The following RYR3 variants were observed in gnomAD, a reference collection of about 807,000 sequenced individuals.
RYR3 encodes brain ryanodine receptor-calcium release channel.
A neutral mutation model predicts 584.3 loss-of-function variants in RYR3; 207 were observed. The observed-to-expected ratio is 0.35, with a 90% CI of 0.32 to 0.40. The LOEUF (loss-of-function observed/expected upper bound fraction) is 0.40, where lower values mean the gene tolerates loss of function less well. Among genes scored for constraint, RYR3 ranks in the 10% least tolerant of loss-of-function variants. The probability of loss-of-function intolerance (pLI) is 1.00; values close to 1 mark genes in which losing one functional copy is unlikely to be tolerated. For missense variants in RYR3, 5,616 were observed against 6,089.2 expected, an observed-to-expected ratio of 0.92 and a Z score of 2.59; for synonymous variants, 2,416 against 2,248.5, an observed-to-expected ratio of 1.07 and a Z score of -2.11.
At chr15:33,699,654 A>AGGCCTC in intron 40 of RYR3, 50 bp from the exon 41 acceptor site, 1 of 1,570,654 alleles carries the variant, frequency 6.4e-7, no homozygotes, top group Non-Finnish European at 8.7e-7. Context: ...GTTTTCAGAA[A>AGGCCTC]GGCCTCATGA....
chr15:33,382,355 G>A (rs144552269), intron 1 of RYR3, among the ~76,000 whole-genome samples: 9 of 119,370 alleles, frequency 7.5e-5, no homozygotes, highest in South Asian at 2.7e-4. Flanking sequence ...ACGGAGTCTC[G>A]CTTTGTCGCC....
chr15:33,530,241 TTCTC>T (rs1251206634), intron 3 of RYR3, among the ~76,000 whole-genome samples: 3 of 152,320 alleles, frequency 2.0e-5, no homozygotes, highest in Admixed American at 1.3e-4. Flanking sequence ...TCACATTTGT[TTCTC>T]TCTCTCACTC....
chr15:33,859,344 A>G (rs373304042), intron 99 of RYR3, among the ~76,000 whole-genome samples: 5 of 152,222 alleles, frequency 3.3e-5, no homozygotes, highest in South Asian at 2.1e-4. Context: ...GCCTAAAAAT[A>G]CCTTTTAAAA....
At chr15:33,368,842 C>T (rs1392210986) in intron 1 of RYR3, among the ~76,000 whole-genome samples, 2 of 152,080 alleles carry the variant, frequency 1.3e-5, no homozygotes, top group African/African-American at 4.8e-5. Context: ...AAACTTAGAG[C>T]GAGGTCCAGA....
rs550125030 is a variant in RYR3, at chr15:33,734,354, G to A, written c.7425-1881G>A. On this transcript the variant is annotated intron_variant, in intron 48 of 103. Transcript: ENST00000634891. ...AGGTACCTAGGTTTTGCACTTTGCC[G>A]CTTCAAAAGGAAGATTAATGCCCCA... 3.0e-3 allele frequency among the ~76,000 whole-genome samples: 455 copies of A among 152,266 alleles called. 3 individuals carry two copies. Among genetic ancestry groups the A allele is most frequent in the Non-Finnish European group, 4.8e-3 (327 of 68,026 alleles).
chr15:33,642,912 A>G (rs1256018541), intron 27 of RYR3, among the ~76,000 whole-genome samples: 1 of 152,220 alleles, frequency 6.6e-6, no homozygotes, highest in Non-Finnish European at 1.5e-5. Flanking sequence ...TCTTTCATTT[A>G]GACACGGTAT....
At chr15:33,570,562 T>C (rs1198823311) in intron 12 of RYR3, among the ~76,000 whole-genome samples, 1 of 152,180 alleles carries the variant, frequency 6.6e-6, no homozygotes, top group African/African-American at 2.4e-5. Flanking sequence ...TTGGTGCTTC[T>C]GGGTCCTTTG....
chr15:33,824,072 G>C (rs529657316), intron 81 of RYR3, among the ~76,000 whole-genome samples: 3 of 152,110 alleles, frequency 2.0e-5, no homozygotes, highest in African/African-American at 7.2e-5. Flanking sequence ...AAACAAAAAG[G>C]AATATTTCCA....
At chr15:33,620,453 A>G (rs1265513808) in intron 19 of RYR3, among the ~76,000 whole-genome samples, 2 of 152,190 alleles carry the variant, frequency 1.3e-5, no homozygotes, top group Non-Finnish European at 2.9e-5. Context: ...TATATACTAC[A>G]TAGTTGACTC....
chr15:33,344,334 C>G (rs1275342428), intron 1 of RYR3, among the ~76,000 whole-genome samples: 1 of 152,102 alleles, frequency 6.6e-6, no homozygotes, highest in African/African-American at 2.4e-5. Flanking sequence ...GTAATTTCTT[C>G]CTAGACAATA....
rs574410024 is a variant in RYR3, at chr15:33,390,794, C to T, written c.51+79698C>T. Reference sequence around the variant, plus strand: ...GTCAGAGGGTGCTTCTGTGACCATACCCCAATAAAAACCCTGGATGCTGAC... The same window carrying T: ...GTCAGAGGGTGCTTCTGTGACCATATCCCAATAAAAACCCTGGATGCTGAC... On this transcript the variant is annotated intron_variant, in intron 1 of 103. Coordinates refer to ENST00000634891, the MANE Select transcript of RYR3 (RefSeq NM_001036.6). The surrounding 1 kb of genome is among the most constrained non-coding windows in gnomAD (Gnocchi z 4.2). Among the ~76,000 whole-genome samples, 26 of 152,210 alleles carry T rather than the reference C, an allele frequency of 1.7e-4. No homozygotes were observed. Among genetic ancestry groups the T allele is most frequent in the African/African-American group, 5.8e-4 (24 of 41,540 alleles).
intron 1 of RYR3, among the ~76,000 whole-genome samples, chr15:33,398,792 G>A (rs971393079): frequency 1.3e-5 from 2 of 152,164 alleles, no homozygotes; most frequent in South Asian, 2.1e-4. Flanking sequence ...GCCGAGCTGC[G>A]TTCCTGGCTC....
intron 2 of RYR3, among the ~76,000 whole-genome samples, chr15:33,479,486 C>CTT (rs376160496): frequency 0.016 from 2,214 of 135,850 alleles, 57 homozygotes; most frequent in African/African-American, 0.052. Flanking sequence ...GAGATTTTGA[C>CTT]TTTTTTTTTT....
intron 1 of RYR3, among the ~76,000 whole-genome samples, chr15:33,432,299 T>TTAACACATTTA (rs2045232228): frequency 6.6e-6 from 1 of 152,156 alleles, no homozygotes; most frequent in Non-Finnish European, 1.5e-5. Flanking sequence ...GGAAGAACAG[T>TTAACACATTTA]GTGGTATCTG....
intron 38 of RYR3, among the ~76,000 whole-genome samples, chr15:33,674,574 T>C (rs1191559752): frequency 6.6e-6 from 1 of 152,160 alleles, no homozygotes. Flanking sequence ...CAACTGAATA[T>C]TGGTTACTTG....
chr15:33,748,572 G>T lies in RYR3; in HGVS notation c.8199+42G>T, dbSNP rs1338290093. The T allele has an allele frequency of 4.7e-6, 7 of 1,503,904 alleles. No homozygotes were observed. In the Admixed American group the frequency reaches 1.2e-4, roughly 26 times the overall value. 93.2% of individuals were successfully genotyped at this position (1,503,904 alleles called of 1,614,324 possible). On this transcript the variant is annotated intron_variant, in intron 55 of 103. Transcript: ENST00000634891. ...CAGCATGACTTGCTTTCAAGTGCAG[G>T]ACGCATTACCTTCCAAAGAGTTAAA...
intron 12 of RYR3, among the ~76,000 whole-genome samples, chr15:33,575,374 A>G (rs2058245050): frequency 6.6e-6 from 1 of 152,218 alleles, no homozygotes; most frequent in Non-Finnish European, 1.5e-5. Flanking sequence ...ACATAATTGC[A>G]AGTAAAACAC....
chr15:33,568,287 G>T (rs1009317701), intron 12 of RYR3, among the ~76,000 whole-genome samples: 2 of 152,136 alleles, frequency 1.3e-5, no homozygotes, highest in African/African-American at 4.8e-5. Context: ...CCATTGAATT[G>T]TGCTCTTTAA....
intron 1 of RYR3, among the ~76,000 whole-genome samples, chr15:33,331,886 T>A (rs1004893819): frequency 3.9e-5 from 6 of 152,022 alleles, no homozygotes; most frequent in Admixed American, 1.3e-4. Flanking sequence ...AATAATTGCA[T>A]GTAAATAGCA....
Sources: gnomAD v4.1 joint callset for allele counts (sites outside exome capture counted in the v4.1 genomes callset) on GRCh38, gnomAD v4.1.1 for gene constraint, Gnocchi (gnomAD v3.1) non-coding constraint, MANE v1.5 for transcripts, NCBI Gene and HGNC (gene_info 2026-07-23, HGNC 2026-07-21) for gene names.